Variants in GRM7 observed in about 807,000 individuals in gnomAD.
The protein encoded by GRM7 is metabotropic glutamate receptor 7.
In GRM7, 35 loss-of-function variants were observed where a neutral mutation model predicts 84.5. That is an observed-to-expected ratio of 0.41 (90% CI 0.32 to 0.55). GRM7 has a LOEUF of 0.55. Ranked by LOEUF, GRM7 falls within the 20% of genes least tolerant of loss-of-function variation. The pLI is 0.19. For missense variants in GRM7, 1,003 were observed against 1,194.6 expected, an observed-to-expected ratio of 0.84 and a Z score of 2.36; for synonymous variants, 487 against 455.1, an observed-to-expected ratio of 1.07 and a Z score of -0.89.
At chr3:7,612,808 A>G (rs1373678626) in intron 8 of GRM7, among the ~76,000 whole-genome samples, 1 of 152,204 alleles carries the variant, frequency 6.6e-6, no homozygotes, top group Non-Finnish European at 1.5e-5. Context: ...ATTCTTGGAA[A>G]CAGCTTCAGT....
chr3:7,399,572 C>T (rs1695359783), intron 4 of GRM7, among the ~76,000 whole-genome samples: 1 of 152,122 alleles, frequency 6.6e-6, no homozygotes. Flanking sequence ...TCCACCAAGT[C>T]TCATGTTGAA....
intron 1 of GRM7, among the ~76,000 whole-genome samples, chr3:6,952,465 T>C (rs926357341): frequency 6.6e-6 from 1 of 152,234 alleles, no homozygotes; most frequent in Non-Finnish European, 1.5e-5. Flanking sequence ...TTTCTGGTAT[T>C]CTGTCCTATT....
At chr3:7,221,110 C>G (rs146226836) in intron 2 of GRM7, among the ~76,000 whole-genome samples, 1 of 151,908 alleles carries the variant, frequency 6.6e-6, no homozygotes, top group African/African-American at 2.4e-5. Flanking sequence ...CAAAACAAAA[C>G]AAAAGAAAAG....
chr3:7,249,928 C>A (rs1697917600), intron 2 of GRM7, among the ~76,000 whole-genome samples: 1 of 152,110 alleles, frequency 6.6e-6, no homozygotes, highest in Non-Finnish European at 1.5e-5. Flanking sequence ...GCATTCAAAC[C>A]AGGAAGGACG....
chr3:7,108,167 T>C (rs1229167915), intron 1 of GRM7, among the ~76,000 whole-genome samples: 2 of 152,086 alleles, frequency 1.3e-5, no homozygotes, highest in African/African-American at 4.8e-5. Context: ...TGCTGCACGA[T>C]AGAGTATTCA....
chr3:7,319,272 G>A (rs1700688734), intron 4 of GRM7, among the ~76,000 whole-genome samples: 1 of 151,964 alleles, frequency 6.6e-6, no homozygotes. Flanking sequence ...ATCAGAGTGA[G>A]GCCTTAAAGA....
chr3:7,006,133 T>C (rs879596150), intron 1 of GRM7, among the ~76,000 whole-genome samples: 2 of 152,150 alleles, frequency 1.3e-5, no homozygotes, highest in Admixed American at 1.3e-4. Flanking sequence ...TTAATCTGAA[T>C]TTCAAAGGAG....
intron 1 of GRM7, among the ~76,000 whole-genome samples, chr3:6,965,755 C>T (rs73808498): frequency 6.6e-5 from 10 of 152,194 alleles, no homozygotes; most frequent in East Asian, 1.9e-4. Flanking sequence ...ACTCAATTTC[C>T]GCCTACAGAT....
intron 1 of GRM7, among the ~76,000 whole-genome samples, chr3:6,887,340 A>G (rs947488303): frequency 1.3e-5 from 2 of 152,048 alleles, no homozygotes; most frequent in Non-Finnish European, 2.9e-5. Context: ...TTAACTTGTC[A>G]TTTAGCATTA....
intron 9 of GRM7, among the ~76,000 whole-genome samples, chr3:7,726,877 C>A (rs1202527363): frequency 1.3e-5 from 2 of 150,872 alleles, no homozygotes; most frequent in African/African-American, 4.9e-5. Context: ...AAAAAAAAAT[C>A]TATGTTGTAA....
chr3:7,584,407 T>C (rs571424081), intron 8 of GRM7, among the ~76,000 whole-genome samples: 1 of 152,314 alleles, frequency 6.6e-6, no homozygotes, highest in East Asian at 1.9e-4. Flanking sequence ...GAATTCTGCA[T>C]GGTCTTTCCT....
chr3:7,243,633 G>C (rs1356080208), intron 2 of GRM7, among the ~76,000 whole-genome samples: 1 of 152,034 alleles, frequency 6.6e-6, no homozygotes, highest in African/African-American at 2.4e-5. Flanking sequence ...CTTAGATTAA[G>C]GTCACGTGCT....
intron 7 of GRM7, among the ~76,000 whole-genome samples, chr3:7,546,592 A>T (rs1429209571): frequency 1.3e-5 from 2 of 152,242 alleles, no homozygotes; most frequent in African/African-American, 2.4e-5. Flanking sequence ...TGCCCAAGAG[A>T]ATATGCAGCA....
chr3:7,112,117 G>C (rs990016552), intron 1 of GRM7, among the ~76,000 whole-genome samples: 1 of 152,150 alleles, frequency 6.6e-6, no homozygotes, highest in Non-Finnish European at 1.5e-5. Context: ...AGAAAGCAGG[G>C]GTTATGCAGT....
At chr3:7,099,528 GC>G (rs1699011618) in intron 1 of GRM7, among the ~76,000 whole-genome samples, 2 of 142,700 alleles carry the variant, frequency 1.4e-5, no homozygotes, top group African/African-American at 2.7e-5. Flanking sequence ...ATATGTACAC[GC>G]ATTATACATG....
chr3:7,536,231 TAG>T (rs747023853), intron 7 of GRM7, among the ~76,000 whole-genome samples: 25 of 152,132 alleles, frequency 1.6e-4, no homozygotes, highest in Non-Finnish European at 3.4e-4. Context: ...ATCAGTTTGT[TAG>T]ATAATCCCAG....
intron 2 of GRM7, among the ~76,000 whole-genome samples, chr3:7,214,209 A>C (rs1372694442): frequency 6.6e-6 from 1 of 152,120 alleles, no homozygotes; most frequent in Non-Finnish European, 1.5e-5. Flanking sequence ...GTCACCTACG[A>C]TGCAATATAA....
At chr3:7,134,429 GTCATCATCATCA>G (rs59201451) in intron 1 of GRM7, among the ~76,000 whole-genome samples, 1 of 150,736 alleles carries the variant, frequency 6.6e-6, no homozygotes, top group South Asian at 2.1e-4. Context: ...CATCATCATC[GTCATCATCATCA>G]TCATCATCAT....
chr3:6,889,169 A>G (rs1277501190), intron 1 of GRM7, among the ~76,000 whole-genome samples: 3 of 152,142 alleles, frequency 2.0e-5, no homozygotes, highest in Non-Finnish European at 2.9e-5. Flanking sequence ...CAATCATGTC[A>G]CCTGCAAACA....
Sources: allele counts gnomAD v4.1 joint callset (sites outside exome capture counted in the v4.1 genomes callset), GRCh38; gene constraint gnomAD v4.1.1; transcripts MANE v1.5; gene names NCBI Gene and HGNC (gene_info 2026-07-23, HGNC 2026-07-21).